SGCD: variants seen among roughly 807,000 people sequenced by gnomAD.
The protein encoded by SGCD is delta-sarcoglycan.
In SGCD, 18 loss-of-function variants were observed where a neutral mutation model predicts 36.6. That is an observed-to-expected ratio of 0.49 (90% CI 0.34 to 0.73). The LOEUF (loss-of-function observed/expected upper bound fraction) is 0.73, where lower values mean the gene tolerates loss of function less well. Ranked by LOEUF, SGCD falls within the 30% of genes least tolerant of loss-of-function variation. The pLI, the probability that SGCD is intolerant of heterozygous loss-of-function variation, is 0.01. For synonymous variants in SGCD, 133 were observed against 130.6 expected (o/e 1.02, Z -0.12); for missense variants, 387 against 346.7 (o/e 1.12, Z -0.92).
chr5:155,913,394 G>A (rs1297342126), intron 1 of SGCD, among the ~76,000 whole-genome samples: 2 of 152,070 alleles, frequency 1.3e-5, no homozygotes, highest in Non-Finnish European at 2.9e-5. Context: ...AGAAGAACAC[G>A]ATGAAAAATC....
chr5:156,204,494 A>ACG, intron 3 of SGCD, among the ~76,000 whole-genome samples: 1 of 151,998 alleles, frequency 6.6e-6, no homozygotes, highest in East Asian at 1.9e-4. Context: ...ACACACACAC[A>ACG]CACACACACA....
intron 2 of SGCD, among the ~76,000 whole-genome samples, chr5:156,339,371 A>G (rs1383571540): frequency 6.6e-6 from 1 of 152,218 alleles, no homozygotes; most frequent in South Asian, 2.1e-4. Context: ...CCTGCTTAGC[A>G]TTGGTATAAT....
At chr5:156,045,842 C>T (rs1282817613) in intron 1 of SGCD, among the ~76,000 whole-genome samples, 3 of 152,072 alleles carry the variant, frequency 2.0e-5, no homozygotes, top group African/African-American at 4.8e-5. Context: ...CTTAGAGGCC[C>T]CCCTCCAACT....
intron 3 of SGCD, among the ~76,000 whole-genome samples, chr5:156,386,447 G>A (rs755566132): frequency 1.7e-4 from 26 of 152,172 alleles, no homozygotes; most frequent in African/African-American, 4.8e-4. Context: ...TATAATCATC[G>A]TCTGCATTAT....
chr5:156,111,902 C>T (rs1761797068), intron 1 of SGCD, among the ~76,000 whole-genome samples: 1 of 152,056 alleles, frequency 6.6e-6, no homozygotes. Flanking sequence ...CCTCAGCCTC[C>T]TGAGTAGCCA....
intron 3 of SGCD, among the ~76,000 whole-genome samples, chr5:156,209,591 AC>A (rs1379003455): frequency 2.6e-5 from 4 of 152,202 alleles, no homozygotes; most frequent in Non-Finnish European, 5.9e-5. Context: ...AAGGACAAGT[AC>A]TGGACCAGCC....
chr5:156,458,499 T>C, intron 3 of SGCD: 1 of 1,598,196 alleles, frequency 6.3e-7, no homozygotes. Flanking sequence ...TGACAAGGGC[T>C]TCGTTAACCT....
chr5:156,204,452 C>G (rs1054835130), intron 3 of SGCD, among the ~76,000 whole-genome samples: 7 of 145,996 alleles, frequency 4.8e-5, no homozygotes, highest in African/African-American at 1.8e-4. Context: ...CACAGTTTAA[C>G]TAGTTTAGCC....
At chr5:156,527,476 G>T (rs1223403007) in intron 4 of SGCD, among the ~76,000 whole-genome samples, 1 of 152,130 alleles carries the variant, frequency 6.6e-6, no homozygotes, top group Non-Finnish European at 1.5e-5. Flanking sequence ...TGTCCTGGAT[G>T]ATGTGGGGAG....
At chr5:155,865,537 A>C (rs1376561600), upstream of SGCD, among the ~76,000 whole-genome samples, 3 of 152,158 alleles carry the variant, frequency 2.0e-5, no homozygotes, top group Non-Finnish European at 4.4e-5. Context: ...GTTTCTGAAA[A>C]GTTAGTTGCA....
intron 3 of SGCD, among the ~76,000 whole-genome samples, chr5:156,356,517 T>C (rs1769498964): frequency 1.3e-5 from 2 of 152,110 alleles, no homozygotes; most frequent in South Asian, 4.1e-4. Flanking sequence ...GACTCAGAAG[T>C]CAGATTGCAT....
chr5:155,835,123 C>T, the SGCD span, among the ~76,000 whole-genome samples: 1 of 150,110 alleles, frequency 6.7e-6, no homozygotes, highest in Non-Finnish European at 1.5e-5. Context: ...TTCTCCCTGC[C>T]TCAGCCTTCT....
chr5:155,979,993 A>G (rs1475460948), intron 1 of SGCD, among the ~76,000 whole-genome samples: 1 of 152,040 alleles, frequency 6.6e-6, no homozygotes, highest in Non-Finnish European at 1.5e-5. Context: ...TCATGACCTA[A>G]TCACCTCTCC....
chr5:156,094,146 T>C (rs1186109080), intron 1 of SGCD, among the ~76,000 whole-genome samples: 1 of 152,094 alleles, frequency 6.6e-6, no homozygotes, highest in African/African-American at 2.4e-5. Context: ...AGTTGAGACA[T>C]TGGCCAGGGG....
intron 1 of SGCD, among the ~76,000 whole-genome samples, chr5:156,046,189 T>C (rs901954274): frequency 1.3e-5 from 2 of 152,166 alleles, no homozygotes; most frequent in Admixed American, 1.3e-4. Context: ...TGAGCTTCAT[T>C]TCCTATATTA....
chr5:156,061,141 A>C (rs1760195385), intron 1 of SGCD, among the ~76,000 whole-genome samples: 1 of 145,728 alleles, frequency 6.9e-6, no homozygotes, highest in African/African-American at 2.5e-5. Context: ...TAATGAGTCT[A>C]TAAGATTTTA....
At chr5:156,448,268 T>A (rs934252369) in intron 3 of SGCD, among the ~76,000 whole-genome samples, 1 of 152,210 alleles carries the variant, frequency 6.6e-6, no homozygotes, top group Admixed American at 6.5e-5. Flanking sequence ...CTCATTGCTT[T>A]GACTCAGCCC....
At chr5:156,294,612 T>C (rs1766847980) in intron 3 of SGCD, among the ~76,000 whole-genome samples, 1 of 152,176 alleles carries the variant, frequency 6.6e-6, no homozygotes, top group South Asian at 2.1e-4. Flanking sequence ...TGATATTCAC[T>C]GTGGGTTTTT....
chr5:155,782,400 A>G, the SGCD span, among the ~76,000 whole-genome samples: 5 of 152,136 alleles, frequency 3.3e-5, no homozygotes, highest in Non-Finnish European at 7.4e-5. Flanking sequence ...CTGCTACAAA[A>G]AATTTGAAAC....
Sources: gnomAD v4.1 joint callset for allele counts (sites outside exome capture counted in the v4.1 genomes callset) on GRCh38, gnomAD v4.1.1 for gene constraint, MANE v1.5 for transcripts, NCBI Gene and HGNC (gene_info 2026-07-23, HGNC 2026-07-21) for gene names.